Variants in RHOQ observed in about 807,000 individuals in gnomAD.
RHOQ encodes ras homolog family member Q, also known as rho-related GTP-binding protein RhoQ.
Under a neutral mutation model 25.8 loss-of-function variants are expected in RHOQ, and 7 were observed. That is an observed-to-expected ratio of 0.27 (90% CI 0.15 to 0.51). RHOQ has a LOEUF of 0.51. Ranked by LOEUF, RHOQ falls within the 20% of genes least tolerant of loss-of-function variation. The probability of loss-of-function intolerance (pLI) is 0.97; values close to 1 mark genes in which losing one functional copy is unlikely to be tolerated. For synonymous variants in RHOQ, 97 were observed against 98.6 expected, an observed-to-expected ratio of 0.98 and a Z score of 0.10; for missense variants, 165 against 260.6, an observed-to-expected ratio of 0.63 and a Z score of 2.53.
intron 2 of RHOQ, among the ~76,000 whole-genome samples, chr2:46,575,294 A>G (rs1383647197): frequency 2.0e-5 from 3 of 152,186 alleles, no homozygotes; most frequent in Admixed American, 6.5e-5. Flanking sequence ...ATGCATAGAA[A>G]AAGAACTGGA....
chr2:46,557,205 T>C (rs1668435078), intron 2 of RHOQ, among the ~76,000 whole-genome samples: 1 of 152,244 alleles, frequency 6.6e-6, no homozygotes, highest in Non-Finnish European at 1.5e-5. Flanking sequence ...TGCAGTGATC[T>C]GATTTTATGA....
At chr2:46,543,922 GGGCTTCCCCT>G in intron 2 of RHOQ, 110 bp downstream of exon 2, 1 of 849,978 alleles carries the variant, frequency 1.2e-6, no homozygotes, top group Non-Finnish European at 1.9e-6. Context: ...TGTCTGCGAC[GGGCTTCCCCT>G]GGATTAGGTC....
chr2:46,575,895 T>TA (rs1244767348), intron 2 of RHOQ, among the ~76,000 whole-genome samples, 192 bp from the exon 3 acceptor site: 2 of 152,234 alleles, frequency 1.3e-5, no homozygotes, highest in African/African-American at 2.4e-5. Flanking sequence ...CATTTTTTTT[T>TA]ACCTCATGGG....
intron 2 of RHOQ, among the ~76,000 whole-genome samples, chr2:46,575,728 A>G (rs918497915): frequency 6.6e-6 from 1 of 152,242 alleles, no homozygotes; most frequent in African/African-American, 2.4e-5. Flanking sequence ...GTAAATATTT[A>G]GCATGTATTA....
In RHOQ at chr2:46,546,494, ATATATATATATATATATG is replaced by A. The variant is rs1558680531; in HGVS notation, c.201+2689_201+2706del. Among the ~76,000 whole-genome samples the A allele has an allele frequency of 4.7e-3, 94 of 19,888 alleles. 3 individuals carry two copies. The highest frequency in any genetic ancestry group is 5.3e-3 in the Non-Finnish European group (62 of 11,610). The allele number at this position is 19,888 out of a possible 152,430, so 13.0% of individuals were successfully genotyped here. A position where few individuals can be genotyped will look rare whatever the true frequency, so the allele number is the denominator to read the frequency against. On this transcript the variant is annotated intron_variant, in intron 2 of 4. Transcript: ENST00000238738. ...TATATGTGTATATATATATATATAT[ATATATATATATATATATG>A]TATATACATATATATATATACACAA...
chr2:46,558,351 C>T (rs925916599), intron 2 of RHOQ, among the ~76,000 whole-genome samples: 2 of 152,334 alleles, frequency 1.3e-5, no homozygotes, highest in East Asian at 1.9e-4. Flanking sequence ...AGAAAAGAGT[C>T]ATTGTAGGCA....
rs576943059 is a variant in RHOQ at position 46,552,217 on chromosome 2, T to C, written c.201+8405T>C. ...ACAAAGACTTCTGCCCCACGTGACG[T>C]TACGGGTGTTTTGTCACTTTGTCCC... On this transcript the variant is annotated intron_variant, in intron 2 of 4. Transcript: ENST00000238738. This position sits in a 1 kb window ranked among gnomAD's most constrained non-coding sequence, Gnocchi z 5.0. 2.6e-5 allele frequency among the ~76,000 whole-genome samples: 4 copies of C among 152,334 alleles called. No homozygotes were observed. Among genetic ancestry groups the C allele is most frequent in the East Asian group, 3.9e-4 (2 of 5,184 alleles).
intron 2 of RHOQ, among the ~76,000 whole-genome samples, chr2:46,554,034 T>C (rs1057488380): frequency 1.3e-5 from 2 of 152,318 alleles, no homozygotes; most frequent in East Asian, 1.9e-4. Flanking sequence ...ACGTGATGTT[T>C]GTCTTTCTGT....
intron 2 of RHOQ, among the ~76,000 whole-genome samples, chr2:46,549,781 C>T (rs1244822079): frequency 6.6e-6 from 1 of 152,188 alleles, no homozygotes; most frequent in African/African-American, 2.4e-5. Flanking sequence ...GGTCCCCCGG[C>T]TCCCTGGGTA....
chr2:46,562,790 A>G (rs1245584235), intron 2 of RHOQ, among the ~76,000 whole-genome samples: 1 of 152,142 alleles, frequency 6.6e-6, no homozygotes, highest in Non-Finnish European at 1.5e-5. Flanking sequence ...AAAATACCTG[A>G]CTTTAGTCCT....
intron 2 of RHOQ, among the ~76,000 whole-genome samples, chr2:46,575,077 T>G (rs928352000): frequency 3.9e-5 from 6 of 152,214 alleles, no homozygotes; most frequent in Non-Finnish European, 4.4e-5. Context: ...AAAAAGGATA[T>G]TCACTGCCTT....
chr2:46,573,030 G>A (rs1247929651), intron 2 of RHOQ, among the ~76,000 whole-genome samples: 1 of 151,714 alleles, frequency 6.6e-6, no homozygotes, highest in Non-Finnish European at 1.5e-5. Context: ...CAGCTGGATA[G>A]AAGCAGAAAG....
intron 1 of RHOQ, 77 bp from the exon 2 acceptor site, chr2:46,543,677 C>T (rs1667926498): frequency 7.5e-7 from 1 of 1,339,916 alleles, no homozygotes; most frequent in East Asian, 2.4e-5. Context: ...AGAGGAGGGT[C>T]CGGGTGGGGA....
At chr2:46,572,112 T>TTG (rs1668940615) in intron 2 of RHOQ, among the ~76,000 whole-genome samples, 1 of 129,912 alleles carries the variant, frequency 7.7e-6, no homozygotes, top group Non-Finnish European at 1.6e-5. Flanking sequence ...TGTGTGTTTT[T>TTG]TTTTTTTTTT....
rs1669355986 is a variant in RHOQ, at chr2:46,581,221, A to G, written c.*138A>G. ...AAACAAAACCTGTCCTCAGAATTCT[A>G]TAAAGTGTATTAAGAATGTTCCTTA... On this transcript the variant is annotated 3_prime_UTR_variant, in exon 5 of 5. Transcript: ENST00000238738. 8 of 980,038 alleles carry G rather than the reference A, an allele frequency of 8.2e-6. No homozygotes were observed. The highest frequency in any genetic ancestry group is 1.2e-5 in the Non-Finnish European group (8 of 680,284). 60.7% of individuals were successfully genotyped at this position (980,038 alleles called of 1,614,324 possible).
intron 2 of RHOQ, among the ~76,000 whole-genome samples, chr2:46,553,221 A>C (rs1198183062): frequency 6.6e-6 from 1 of 152,074 alleles, no homozygotes; most frequent in Non-Finnish European, 1.5e-5. Context: ...TTTGCAACCC[A>C]TCTCCACCCC....
intron 2 of RHOQ, among the ~76,000 whole-genome samples, chr2:46,554,792 T>TC (rs1468500846): frequency 3.3e-5 from 5 of 151,558 alleles, no homozygotes; most frequent in South Asian, 2.1e-4. Flanking sequence ...TTTCTTTCTT[T>TC]TTTTTTTTTT....
At position 46,580,997 on chromosome 2, in the gene RHOQ, G is replaced by A. The variant is rs1228639991; in HGVS notation, c.532G>A (p.Ala178Thr). ...QKGLKTVFDE[A>T]IIAILTPKKH... ...GGGATTGAAGACTGTTTTTGATGAG[G>A]CTATCATAGCCATTTTAACTCCAAA... is the stretch of plus-strand genomic sequence containing the variant. Residue 178 changes from alanine to threonine, a missense_variant, in exon 5 of 5, where the codon GCT (alanine) becomes ACT (threonine). Ala to Thr is a moderately conservative substitution (Grantham distance 58). Coordinates refer to ENST00000238738, the MANE Select transcript of RHOQ (RefSeq NM_012249.4). 10 of 1,586,164 alleles carry A rather than the reference G, an allele frequency of 6.3e-6. No homozygotes were observed. The highest frequency in any genetic ancestry group is 1.1e-5 in the South Asian group (1 of 87,022).
chr2:46,567,145 A>C (rs1668760101), intron 2 of RHOQ, among the ~76,000 whole-genome samples: 1 of 152,254 alleles, frequency 6.6e-6, no homozygotes, highest in Non-Finnish European at 1.5e-5. Context: ...AAAGGAAAGT[A>C]ATTCATCATA....
Sources: gnomAD v4.1 joint callset for allele counts (sites outside exome capture counted in the v4.1 genomes callset) on GRCh38, gnomAD v4.1.1 for gene constraint, Gnocchi (gnomAD v3.1) non-coding constraint, MANE v1.5 for transcripts, NCBI Gene and HGNC (gene_info 2026-07-23, HGNC 2026-07-21) for gene names.